Variants in FN1 observed in about 807,000 individuals in gnomAD.
FN1 encodes fibronectin.
Under a neutral mutation model 297.3 loss-of-function variants are expected in FN1, and 106 were observed. The observed-to-expected ratio is 0.36, with a 90% CI of 0.30 to 0.42. The LOEUF is 0.42. Among genes scored for constraint, FN1 ranks in the 10% least tolerant of loss-of-function variants. The pLI is 1.00. For missense variants in FN1, 2,690 were observed against 3,124.9 expected, an observed-to-expected ratio of 0.86 and a Z score of 3.32; for synonymous variants, 1,149 against 1,152.6, an observed-to-expected ratio of 1.00 and a Z score of 0.06.
intron 34 of FN1, 77 bp downstream of exon 34, chr2:215,379,050 ATAT>A: frequency 8.6e-7 from 1 of 1,163,012 alleles, no homozygotes; most frequent in Non-Finnish European, 1.3e-6. Flanking sequence ...ATTTATTATG[ATAT>A]TATATTTTCA....
chr2:215,392,309 C>A (rs969300766), intron 25 of FN1: 1 of 183,028 alleles, frequency 5.5e-6, no homozygotes, highest in African/African-American at 2.4e-5. Context: ...TGGTTCTCAG[C>A]ATGTTTCTTT....
chr2:215,401,223 A>AAGG, intron 20 of FN1, among the ~76,000 whole-genome samples: 4 of 54,442 alleles, frequency 7.3e-5, no homozygotes, highest in African/African-American at 3.0e-4. Flanking sequence ...AGAAAGAAAG[A>AAGG]AAGAAAGAAA....
At chr2:215,361,716 A>T in intron 45 of FN1, 90 bp from the exon 46 acceptor site, 2 of 1,064,704 alleles carry the variant, frequency 1.9e-6, no homozygotes, top group South Asian at 1.3e-5. Flanking sequence ...GACTCATGAC[A>T]GCTGCTTATA....
At chr2:215,425,760 T>G (rs2065219135) in intron 6 of FN1, among the ~76,000 whole-genome samples, 1 of 149,452 alleles carries the variant, frequency 6.7e-6, no homozygotes, top group South Asian at 2.1e-4. Flanking sequence ...TTTTGCCATG[T>G]TGGCAAACTC....
intron 40 of FN1, among the ~76,000 whole-genome samples, chr2:215,371,312 T>C (rs987175104): frequency 1.3e-4 from 19 of 151,440 alleles, no homozygotes; most frequent in Admixed American, 3.9e-4. Context: ...TTAAATAATA[T>C]ACGTTTTAGA....
At chr2:215,427,596 C>G (rs2065694030) in intron 6 of FN1, among the ~76,000 whole-genome samples, 1 of 152,058 alleles carries the variant, frequency 6.6e-6, no homozygotes, top group Admixed American at 6.5e-5. Context: ...TTTCGAATGC[C>G]AATACATGAA....
chr2:215,406,269 C>G lies in FN1; in HGVS notation c.2955G>C (p.Glu985Asp), dbSNP rs200849935. 22 of 1,614,056 alleles carry G rather than the reference C, an allele frequency of 1.4e-5. No individual in the cohort carries two copies. Among genetic ancestry groups the G allele is most frequent in the Non-Finnish European group, 1.9e-5 (22 of 1,180,022 alleles). Residue 985 changes from glutamate (E) to aspartate (D), a missense_variant, in exon 19 of 46, where the codon GAG becomes GAC. This residue lies in a region of FN1 where 1,743 missense variants were observed against 1,945.2 expected (regional missense o/e 0.90). Transcript: ENST00000354785. ...FKVFAVSHGR[E>D]SKPLTAQQTT... ...TCTGTTGAGCAGTCAGAGGCTTGCT[C>G]TCCCTCCCATGGCTCACTGCAAAGA... is the stretch of plus-strand genomic sequence containing the variant.
intron 42 of FN1, among the ~76,000 whole-genome samples, chr2:215,367,344 G>GT (rs1156807096): frequency 6.6e-6 from 1 of 152,152 alleles, no homozygotes; most frequent in African/African-American, 2.4e-5. Flanking sequence ...CAGATTATCT[G>GT]TTTTTTCTTT....
chr2:215,387,186 AT>A (rs778537860), intron 27 of FN1, among the ~76,000 whole-genome samples: 2 of 152,010 alleles, frequency 1.3e-5, no homozygotes, highest in African/African-American at 2.4e-5. Context: ...TCAAGCATTC[AT>A]TTTTTTCTTG....
intron 24 of FN1, among the ~76,000 whole-genome samples, chr2:215,394,059 C>G (rs1302013955): frequency 6.6e-6 from 1 of 152,186 alleles, no homozygotes; most frequent in African/African-American, 2.4e-5. Context: ...AGATGAAAAA[C>G]TAGATGTGTC....
chr2:215,409,603 T>C lies in FN1; in HGVS notation c.2259A>G (p.Glu753=). Residue 753 remains glutamate (E), a synonymous_variant, in exon 15 of 46, where the codon GAA becomes GAG. Transcript: ENST00000354785. ...ASDTVSGFRV[E]YELSEEGDEP... ...CATCTCCCTCCTCACTCAGCTCATA[T>C]TCCACCCGGAATCCCGACACGGTGT... 6.2e-7 allele frequency: 1 copy of C among 1,613,976 alleles called. No individual in the cohort carries two copies. Among genetic ancestry groups the C allele is most frequent in the Non-Finnish European group, 8.5e-7 (1 of 1,180,024 alleles).
intron 39 of FN1, 145 bp downstream of exon 39, chr2:215,373,177 A>G (rs1462979450): frequency 1.5e-6 from 1 of 650,842 alleles, no homozygotes; most frequent in African/African-American, 1.8e-5. Context: ...CCTATTAAAG[A>G]ATACAATATA....
At chr2:215,377,081 AGTGTGT>A (rs66762371) in intron 35 of FN1, among the ~76,000 whole-genome samples, 5,012 of 147,360 alleles carry the variant, frequency 0.034, 257 homozygotes, top group African/African-American at 0.11. Flanking sequence ...AGAGAGAGAG[AGTGTGT>A]GTGTGTGTGT....
rs115105030 is a variant in FN1, at chr2:215,430,809, G to C, written c.591C>G (p.Val197=). 7.4e-6 allele frequency: 12 copies of C among 1,614,024 alleles called. No homozygotes were observed. Among genetic ancestry groups the C allele is most frequent in the Admixed American group, 3.3e-5 (2 of 60,008 alleles). The change falls in exon 5 of 46, where the codon GTC becomes GTG. Residue 197 remains valine, a synonymous_variant. Transcript: ENST00000354785. ...FDHAAGTSYV[V]GETWEKPYQG... ...GGTAGGGCTTCTCCCACGTTTCTCC[G>C]ACCACATAGGAAGTCCCAGCAGCAT...
intron 20 of FN1, among the ~76,000 whole-genome samples, chr2:215,401,251 G>GAAAGA (rs1559475860): frequency 4.6e-4 from 37 of 80,234 alleles, no homozygotes; most frequent in African/African-American, 1.3e-3. Context: ...AGAAAGAAAG[G>GAAAGA]AAGAAAGAAA....
chr2:215,365,197 G>A (rs950762374), intron 43 of FN1, among the ~76,000 whole-genome samples: 5 of 152,122 alleles, frequency 3.3e-5, no homozygotes, highest in South Asian at 2.1e-4. Context: ...AGGGTCCAAC[G>A]GGAAGATGGA....
In FN1 at chr2:215,379,110, G is replaced by C. The variant is rs780398612; in HGVS notation, c.5622+20C>G. The C allele has an allele frequency of 1.6e-5, 25 of 1,609,568 alleles. No individual in the cohort carries two copies. Among genetic ancestry groups the C allele is most frequent in the Non-Finnish European group, 4.3e-6 (5 of 1,176,072 alleles). On this transcript the variant is annotated intron_variant, in intron 34 of 45. Coordinates refer to ENST00000354785, the MANE Select transcript of FN1 (RefSeq NM_212482.4). Reference sequence around the variant, plus strand: ...AGATGATCTCCATCTTTATTCCAATGAACAACGGTCATGTCTTACCATAAG... The same window carrying C: ...AGATGATCTCCATCTTTATTCCAATCAACAACGGTCATGTCTTACCATAAG...
intron 29 of FN1, chr2:215,384,385 T>C (rs182043005): frequency 5.1e-6 from 3 of 591,260 alleles, no homozygotes; most frequent in Non-Finnish European, 9.0e-6. Context: ...GAGAGAAAAT[T>C]ACAGTTAGCG....
Position 215,388,353 on chromosome 2 carries a change from A to G in FN1, c.4253-52T>C, listed in dbSNP as rs375482313. On this transcript the variant is annotated intron_variant, in intron 26 of 45. Coordinates refer to ENST00000354785, the MANE Select transcript of FN1 (RefSeq NM_212482.4). Reference sequence around the variant, plus strand: ...AAAACTCTGCTCAAAAGCATGAGAAACTAAAGCACGCCCAGGACTATTTGA... The same window carrying G: ...AAAACTCTGCTCAAAAGCATGAGAAGCTAAAGCACGCCCAGGACTATTTGA... 6.3e-6 allele frequency: 8 copies of G among 1,271,770 alleles called. No homozygotes were observed. In the South Asian group the frequency reaches 8.3e-5, roughly 13 times the overall value. The allele number at this position is 1,271,770 out of a possible 1,614,324, so 78.8% of individuals were successfully genotyped here.
Sources: gnomAD v4.1 joint callset for allele counts (sites outside exome capture counted in the v4.1 genomes callset) on GRCh38, gnomAD v4.1.1 for gene constraint, gnomAD v4.1.1 regional missense constraint, MANE v1.5 for transcripts, NCBI Gene and HGNC (gene_info 2026-07-23, HGNC 2026-07-21) for gene names.